The following GAP43 variants were observed in gnomAD, a reference collection of about 807,000 sequenced individuals.
The protein encoded by GAP43 is growth associated protein 43.
GAP43 carries 6 observed loss-of-function variants against 18.6 expected under a neutral mutation model. That is an observed-to-expected ratio of 0.32 (90% CI 0.18 to 0.64). The LOEUF is 0.64. GAP43 is among the 30% of genes least tolerant of loss of function. The pLI, the probability that GAP43 is intolerant of heterozygous loss-of-function variation, is 0.78. For missense variants in GAP43, 292 were observed against 295.5 expected, an observed-to-expected ratio of 0.99 and a Z score of 0.09; for synonymous variants, 115 against 111.4, an observed-to-expected ratio of 1.03 and a Z score of -0.20.
At chr3:115,700,832 G>C (rs1187579779) in intron 2 of GAP43, among the ~76,000 whole-genome samples, 3 of 152,018 alleles carry the variant, frequency 2.0e-5, no homozygotes, top group African/African-American at 7.2e-5. Flanking sequence ...TTTGATCTCA[G>C]TAATTACACA....
chr3:115,708,024 TACAC>T (rs1389002177), intron 2 of GAP43, among the ~76,000 whole-genome samples: 1 of 151,328 alleles, frequency 6.6e-6, no homozygotes, highest in African/African-American at 2.4e-5. Flanking sequence ...CATATATATA[TACAC>T]ACACACACAT....
intron 1 of GAP43, among the ~76,000 whole-genome samples, chr3:115,658,216 AGAG>A (rs1235182310): frequency 6.6e-6 from 1 of 152,186 alleles, no homozygotes; most frequent in African/African-American, 2.4e-5. Context: ...GACGGGCAGC[AGAG>A]GAGAGGAGAG....
intron 1 of GAP43, among the ~76,000 whole-genome samples, chr3:115,640,707 G>A (rs1292793800): frequency 6.6e-6 from 1 of 152,008 alleles, no homozygotes. Flanking sequence ...CAAATTCTCT[G>A]GAACTAAGAA....
At chr3:115,624,746 G>A (rs1262416676) in intron 1 of GAP43, among the ~76,000 whole-genome samples, 1 of 152,158 alleles carries the variant, frequency 6.6e-6, no homozygotes, top group Non-Finnish European at 1.5e-5. Flanking sequence ...AATGACGAGT[G>A]TGGTATTCCG....
At chr3:115,712,888 T>C (rs1709458831) in intron 2 of GAP43, among the ~76,000 whole-genome samples, 1 of 152,184 alleles carries the variant, frequency 6.6e-6, no homozygotes, top group East Asian at 1.9e-4. Context: ...ATAGTGTTAT[T>C]AGCAAAAAGG....
chr3:115,684,003 A>C (rs1364339312), intron 2 of GAP43, among the ~76,000 whole-genome samples: 1 of 152,208 alleles, frequency 6.6e-6, no homozygotes, highest in Non-Finnish European at 1.5e-5. Context: ...GTAATCACCA[A>C]ATCACAAATT....
At chr3:115,625,126 G>T (rs897305268) in intron 1 of GAP43, among the ~76,000 whole-genome samples, 1 of 152,020 alleles carries the variant, frequency 6.6e-6, no homozygotes, top group Non-Finnish European at 1.5e-5. Flanking sequence ...GAAGGGTGGG[G>T]AGTGAGGATG....
At chr3:115,643,261 G>A (rs1170090982) in intron 1 of GAP43, among the ~76,000 whole-genome samples, 2 of 152,042 alleles carry the variant, frequency 1.3e-5, no homozygotes, top group African/African-American at 4.8e-5. Flanking sequence ...CCTCAGTGAT[G>A]GTGGTATCCA....
chr3:115,715,194 TACTGTG>T (rs1709489080), intron 2 of GAP43, among the ~76,000 whole-genome samples: 1 of 152,230 alleles, frequency 6.6e-6, no homozygotes, highest in Admixed American at 6.5e-5. Context: ...TAATGCATAA[TACTGTG>T]ACTCATTTTT....
chr3:115,623,549 A>G lies in GAP43; in HGVS notation c.-141A>G. On this transcript the variant is annotated 5_prime_UTR_variant, in exon 1 of 3. Coordinates refer to ENST00000305124, the MANE Select transcript of GAP43 (RefSeq NM_002045.4). ...CTGCCCTGGTGTGTGTGAGGGAGAG[A>G]GAGGGAGGGAGGGAGAGAGAGCGCG... 1 of 993,206 alleles carries G rather than the reference A, an allele frequency of 1.0e-6. No homozygotes were observed. The allele number at this position is 993,206 out of a possible 1,614,324, so 61.5% of individuals were successfully genotyped here.
At chr3:115,687,953 A>G (rs761560524) in intron 2 of GAP43, among the ~76,000 whole-genome samples, 18 of 152,256 alleles carry the variant, frequency 1.2e-4, no homozygotes, top group Admixed American at 3.3e-4. Flanking sequence ...AGTATAAACC[A>G]TAAAAAAATG....
chr3:115,669,089 C>G (rs146078745), intron 1 of GAP43, among the ~76,000 whole-genome samples: 1 of 151,178 alleles, frequency 6.6e-6, no homozygotes, highest in African/African-American at 2.4e-5. Flanking sequence ...CACACACACA[C>G]ACAGAAAAAT....
chr3:115,701,325 C>A (rs147463750), intron 2 of GAP43, among the ~76,000 whole-genome samples: 82 of 152,200 alleles, frequency 5.4e-4, no homozygotes, highest in African/African-American at 1.9e-3. Flanking sequence ...TCACCACTCA[C>A]CATCTCTCTT....
chr3:115,648,370 T>C (rs112552045), intron 1 of GAP43, among the ~76,000 whole-genome samples: 58 of 152,188 alleles, frequency 3.8e-4, no homozygotes, highest in African/African-American at 1.3e-3. Context: ...GGACACCATC[T>C]TCAGCATTGA....
chr3:115,682,182 G>C (rs1375696828), intron 2 of GAP43, among the ~76,000 whole-genome samples: 1 of 152,102 alleles, frequency 6.6e-6, no homozygotes, highest in East Asian at 1.9e-4. Context: ...CTGTTTCTGA[G>C]TCTTAGATTC....
At position 115,669,985 on chromosome 3, in the gene GAP43, A is replaced by AT. The variant is rs1246327926; in HGVS notation, c.31-6018dup. ...TTTTTATTTTTATTTTTTTTTTTTA[A>AT]TTTTTTTTTTAATTTTTTTTTTTAT... On this transcript the variant is annotated intron_variant, in intron 1 of 2. Transcript: ENST00000305124. Among the ~76,000 whole-genome samples, 731 of 109,918 alleles carry AT rather than the reference A, an allele frequency of 6.7e-3. 8 individuals carry two copies. Among genetic ancestry groups the AT allele is most frequent in the East Asian group, 0.027 (90 of 3,344 alleles). 72.1% of individuals were successfully genotyped at this position (109,918 alleles called of 152,430 possible). A position where few individuals can be genotyped will look rare whatever the true frequency, so the allele number is the denominator to read the frequency against.
At chr3:115,647,057 C>T (rs763990547) in intron 1 of GAP43, among the ~76,000 whole-genome samples, 6 of 152,000 alleles carry the variant, frequency 3.9e-5, no homozygotes, top group Non-Finnish European at 5.9e-5. Context: ...CTGAGGATTA[C>T]ATCTGGGATT....
At chr3:115,684,395 C>A (rs1006917940) in intron 2 of GAP43, among the ~76,000 whole-genome samples, 1 of 152,096 alleles carries the variant, frequency 6.6e-6, no homozygotes, top group Non-Finnish European at 1.5e-5. Flanking sequence ...GTTCTCTTCC[C>A]TGGTGTATGA....
chr3:115,638,437 ACT>A (rs1249016433), intron 1 of GAP43, among the ~76,000 whole-genome samples: 4 of 149,264 alleles, frequency 2.7e-5, no homozygotes, highest in African/African-American at 9.9e-5. Flanking sequence ...TGCACAGAAT[ACT>A]CTTTCTCTGG....
Sources: allele counts gnomAD v4.1 joint callset (sites outside exome capture counted in the v4.1 genomes callset), GRCh38; gene constraint gnomAD v4.1.1; transcripts MANE v1.5; gene names NCBI Gene and HGNC (gene_info 2026-07-23, HGNC 2026-07-21).